SCAND1: variants seen among roughly 807,000 people sequenced by gnomAD.
SCAND1 encodes SCAN domain containing 1, also known as SCAN domain-containing protein 1.
A neutral mutation model predicts 3.4 loss-of-function variants in SCAND1; 3 were observed. The observed-to-expected ratio is 0.87, with a 90% CI of 0.40 to 2.25. SCAND1 has a LOEUF of 2.25. Ranked by LOEUF, SCAND1 falls within the 30% of genes most tolerant of loss-of-function variation. The pLI, the probability that SCAND1 is intolerant of heterozygous loss-of-function variation, is 0.05. For synonymous variants in SCAND1, 152 were observed against 120.5 expected, an observed-to-expected ratio of 1.26 and a Z score of -1.72; for missense variants, 303 against 258.8, an observed-to-expected ratio of 1.17 and a Z score of -1.17.
Position 35,954,328 on chromosome 20 carries a change from T to TC in SCAND1, c.-45dup. 6.2e-7 allele frequency: 1 copy of TC among 1,612,294 alleles called. No homozygotes were observed. Among genetic ancestry groups the TC allele is most frequent in the Non-Finnish European group, 8.5e-7 (1 of 1,179,334 alleles). Reference sequence around the variant, plus strand: ...CACTCTTTGTCCGGTAGCTGTGTGCTCAGCACTGCGTCTGCGCGGGGGTGG... The same window carrying TC: ...CACTCTTTGTCCGGTAGCTGTGTGCTCCAGCACTGCGTCTGCGCGGGGGTGG... On this transcript the variant is annotated 5_prime_UTR_variant, in exon 2 of 2. Transcript: ENST00000305978.
chr20:35,957,446 G>C (rs574837573), upstream of SCAND1, among the ~76,000 whole-genome samples: 9 of 152,118 alleles, frequency 5.9e-5, no homozygotes, highest in East Asian at 1.7e-3. Flanking sequence ...AAATTAGCTG[G>C]GCTCGGTGGC....
In SCAND1 at chr20:35,953,638, T is replaced by C; in HGVS notation, c.*107A>G. The C allele has an allele frequency of 1.5e-6, 1 of 667,350 alleles. No individual in the cohort carries two copies. The highest frequency in any genetic ancestry group is 2.3e-6 in the Non-Finnish European group (1 of 440,028). 41.3% of individuals were successfully genotyped at this position (667,350 alleles called of 1,614,324 possible). ...ACCAGACCACAGGCGCTGCCAAAAC[T>C]CATTTTTCATTAACACGGGGTGGGG... is the stretch of plus-strand genomic sequence containing the variant. On this transcript the variant is annotated 3_prime_UTR_variant, in exon 2 of 2. Coordinates refer to ENST00000305978, the MANE Select transcript of SCAND1 (RefSeq NM_033630.3).
upstream of SCAND1, among the ~76,000 whole-genome samples, chr20:35,955,728 A>G (rs946280625): frequency 2.0e-5 from 3 of 152,174 alleles, no homozygotes; most frequent in Non-Finnish European, 4.4e-5. Context: ...GCCCTCGGCC[A>G]GGTGGTTTTC....
At position 35,954,355 on chromosome 20, in the gene SCAND1, G is replaced by T. The variant is rs1348168526; in HGVS notation, c.-55-16C>A. ...AGCACTGCGTCTGCGCGGGGGTGGG[G>T]TGAGCAGGGAGACGTTTCCGGTTAA... On this transcript the variant is annotated splice_polypyrimidine_tract_variant and intron_variant, in intron 1 of 1. Transcript: ENST00000305978. 6.2e-7 allele frequency: 1 copy of T among 1,603,120 alleles called. No individual in the cohort carries two copies.
upstream of SCAND1, chr20:35,955,480 C>G (rs1458356543): frequency 2.6e-5 from 4 of 152,090 alleles, no homozygotes; most frequent in Admixed American, 6.5e-5. Flanking sequence ...GTGAGGCTAC[C>G]TTGGTGGAAT....
chr20:35,955,860 C>T (rs983904066), upstream of SCAND1, among the ~76,000 whole-genome samples: 1 of 152,140 alleles, frequency 6.6e-6, no homozygotes, highest in South Asian at 2.1e-4. Context: ...GCTGGGATTA[C>T]AGGCGCCCAC....
At position 35,954,303 on chromosome 20, in the gene SCAND1, C is replaced by CT. The variant is rs1454825322; in HGVS notation, c.-20_-19insA. 1.2e-5 allele frequency: 20 copies of CT among 1,613,342 alleles called. No individual in the cohort carries two copies. The highest frequency in any genetic ancestry group is 1.6e-5 in the Non-Finnish European group (19 of 1,179,894). ...CCGCCATAACTCCAGCTCCGGGCGT[C>CT]ACTCTTTGTCCGGTAGCTGTGTGCT... is the stretch of plus-strand genomic sequence containing the variant. On this transcript the variant is annotated 5_prime_UTR_variant, in exon 2 of 2. Transcript: ENST00000305978.
chr20:35,954,381 A>C (rs1310851979), intron 1 of SCAND1, 42 bp from the exon 2 acceptor site: 2 of 1,575,164 alleles, frequency 1.3e-6, no homozygotes, highest in Non-Finnish European at 1.7e-6. Flanking sequence ...TTCCGGTTAA[A>C]GGGCAGAGCT....
Position 35,953,715 on chromosome 20 carries a change from C to A in SCAND1, c.*30G>T. 7.2e-7 allele frequency: 1 copy of A among 1,385,474 alleles called. No homozygotes were observed. Among genetic ancestry groups the A allele is most frequent in the South Asian group, 1.6e-5 (1 of 64,404 alleles). 85.8% of individuals were successfully genotyped at this position (1,385,474 alleles called of 1,614,324 possible). A position where few individuals can be genotyped will look rare whatever the true frequency, so the allele number is the denominator to read the frequency against. On this transcript the variant is annotated 3_prime_UTR_variant, in exon 2 of 2. Coordinates refer to ENST00000305978, the MANE Select transcript of SCAND1 (RefSeq NM_033630.3). Reference sequence around the variant, plus strand: ...TCATGGCCCCAGTCCGCACAGAGCGCCCGGCCCTGGCCGCCCGCAGCTCCA... The same window carrying A: ...TCATGGCCCCAGTCCGCACAGAGCGACCGGCCCTGGCCGCCCGCAGCTCCA...
chr20:35,953,860 C>T lies in SCAND1; in HGVS notation c.425G>A (p.Arg142His). ...LSRQWLRPDI[R>H]TKEQIVEMLV... is the part of the protein sequence containing the mutation. The stretch of plus-strand genomic sequence containing the variant: ...CATCTCCACGATCTGCTCCTTGGTG[C>T]GGATGTCAGGCCGCAGCCACTGGCG... Residue 142 changes from arginine (R) to histidine (H), a missense_variant, in exon 2 of 2, where the codon CGC becomes CAC. Transcript: ENST00000305978. 2.5e-6 allele frequency: 4 copies of T among 1,591,276 alleles called. No homozygotes were observed. Among genetic ancestry groups the T allele is most frequent in the Non-Finnish European group, 2.6e-6 (3 of 1,171,158 alleles).
Position 35,953,670 on chromosome 20 carries a change from G to A in SCAND1, c.*75C>T. On this transcript the variant is annotated 3_prime_UTR_variant, in exon 2 of 2. Transcript: ENST00000305978. The stretch of plus-strand genomic sequence containing the variant: ...TCATTAACACGGGGTGGGGTCCCAG[G>A]CTCAGGCCCCCGGGCCCGATCATGG... 1 of 995,766 alleles carries A rather than the reference G, an allele frequency of 1.0e-6. No homozygotes were observed. Among genetic ancestry groups the A allele is most frequent in the South Asian group, 2.2e-5 (1 of 45,484 alleles). The allele number at this position is 995,766 out of a possible 1,614,324, so 61.7% of individuals were successfully genotyped here.
At chr20:35,954,799 T>C (rs6060715), upstream of SCAND1, 21 of 364,222 alleles carry the variant, frequency 5.8e-5, no homozygotes, top group African/African-American at 4.4e-4. Flanking sequence ...CCTGATGAGC[T>C]GTAGCTCTGA....
chr20:35,958,166 C>T (rs1358189930), upstream of SCAND1, among the ~76,000 whole-genome samples: 1 of 152,222 alleles, frequency 6.6e-6, no homozygotes, highest in Non-Finnish European at 1.5e-5. Context: ...AGCATGGTGG[C>T]TCATGCCTGT....
At position 35,954,489 on chromosome 20, in the gene SCAND1, T is replaced by G; in HGVS notation, c.-97A>C. On this transcript the variant is annotated 5_prime_UTR_variant, in exon 1 of 2. Coordinates refer to ENST00000305978, the MANE Select transcript of SCAND1 (RefSeq NM_033630.3). ...CCTGCGGCAGCCGGAAGCGAAAGTC[T>G]CTGGCTTCTCTGCGTCCAGGTCGGC... is the stretch of plus-strand genomic sequence containing the variant. 2 of 1,543,272 alleles carry G rather than the reference T, an allele frequency of 1.3e-6. No homozygotes were observed. Among genetic ancestry groups the G allele is most frequent in the Non-Finnish European group, 1.7e-6 (2 of 1,143,396 alleles).
At chr20:35,954,947 C>G (rs1365671380), upstream of SCAND1, 1 of 221,280 alleles carries the variant, frequency 4.5e-6, no homozygotes, top group African/African-American at 2.4e-5. Flanking sequence ...AAAGTCCTCT[C>G]GCTTGGTCAA....
At chr20:35,954,860 G>T (rs1001734465), upstream of SCAND1, 1 of 304,590 alleles carries the variant, frequency 3.3e-6, no homozygotes, top group African/African-American at 2.3e-5. Flanking sequence ...GGGCTCGTTC[G>T]AGTGGCGCCC....
At chr20:35,957,561 C>T (rs145187515), upstream of SCAND1, among the ~76,000 whole-genome samples, 1,328 of 152,234 alleles carry the variant, frequency 8.7e-3, 75 homozygotes, top group Admixed American at 0.075. Context: ...TTAAAACATT[C>T]AGATTCCCAG....
chr20:35,954,707 T>G, upstream of SCAND1: 1 of 1,039,214 alleles, frequency 9.6e-7, no homozygotes, highest in Non-Finnish European at 1.3e-6. Context: ...TGTTTGGAGA[T>G]AGACTTCAAG....
At chr20:35,956,699 C>T (rs1032282687), upstream of SCAND1, among the ~76,000 whole-genome samples, 2 of 152,190 alleles carry the variant, frequency 1.3e-5, no homozygotes, top group Admixed American at 6.5e-5. Context: ...GTGCTATTCC[C>T]TGTGTGGTAA....
Sources: gnomAD v4.1 joint callset for allele counts (sites outside exome capture counted in the v4.1 genomes callset) on GRCh38, gnomAD v4.1.1 for gene constraint, MANE v1.5 for transcripts, NCBI Gene and HGNC (gene_info 2026-07-23, HGNC 2026-07-21) for gene names.